The following GRM8 variants were observed in gnomAD, a reference collection of about 807,000 sequenced individuals.
The protein encoded by GRM8 is glutamate metabotropic receptor 8, also known as metabotropic glutamate receptor 8.
In GRM8, 47 loss-of-function variants were observed where a neutral mutation model predicts 87.2. The ratio of observed to expected loss-of-function variants is 0.54; its 90% CI spans 0.43 to 0.69. GRM8 has a LOEUF of 0.69. GRM8 is among the 30% of genes least tolerant of loss of function. The pLI, the probability that GRM8 is intolerant of heterozygous loss-of-function variation, is 0.00. For synonymous variants in GRM8, 396 were observed against 404.5 expected, an observed-to-expected ratio of 0.98 and a Z score of 0.25; for missense variants, 1,019 against 1,139.2, an observed-to-expected ratio of 0.89 and a Z score of 1.52.
At chr7:127,157,685 G>A (rs969847060) in intron 2 of GRM8, among the ~76,000 whole-genome samples, 4 of 152,078 alleles carry the variant, frequency 2.6e-5, no homozygotes, top group African/African-American at 9.7e-5. Context: ...ATGTAAGTTG[G>A]TTGTAACTGC....
At chr7:127,038,770 T>C (rs905493142) in intron 3 of GRM8, among the ~76,000 whole-genome samples, 3 of 152,244 alleles carry the variant, frequency 2.0e-5, no homozygotes, top group East Asian at 1.9e-4. Context: ...AATGGAGTGG[T>C]AGGTATTTCT....
chr7:126,707,802 A>T (rs995192898), intron 7 of GRM8, among the ~76,000 whole-genome samples: 10 of 152,198 alleles, frequency 6.6e-5, no homozygotes, highest in African/African-American at 2.4e-4. Context: ...CCTAGGAAAA[A>T]AACATGGAGA....
At chr7:127,076,101 G>A (rs1822228859) in intron 3 of GRM8, 1 of 455,268 alleles carries the variant, frequency 2.2e-6, no homozygotes. Context: ...AAGGTGGTCA[G>A]TAGAGAGCCT....
At chr7:126,468,911 C>A (rs546340363) in intron 9 of GRM8, among the ~76,000 whole-genome samples, 2 of 152,056 alleles carry the variant, frequency 1.3e-5, no homozygotes, top group African/African-American at 4.8e-5. Context: ...ACTGCAATAC[C>A]CCCTCTTCTC....
At chr7:127,121,131 G>T (rs1312788577) in intron 2 of GRM8, among the ~76,000 whole-genome samples, 1 of 152,184 alleles carries the variant, frequency 6.6e-6, no homozygotes, top group African/African-American at 2.4e-5. Flanking sequence ...AATTTAGTAA[G>T]ATATTCATTT....
intron 2 of GRM8, among the ~76,000 whole-genome samples, chr7:127,125,330 G>T (rs1827301039): frequency 6.6e-6 from 1 of 152,004 alleles, no homozygotes; most frequent in South Asian, 2.1e-4. Flanking sequence ...TGGCTATAAA[G>T]ATGCCAAGAA....
At chr7:127,178,383 T>C (rs559088541) in intron 2 of GRM8, among the ~76,000 whole-genome samples, 1 of 152,258 alleles carries the variant, frequency 6.6e-6, no homozygotes, top group South Asian at 2.1e-4. Context: ...GAATAATTGG[T>C]GTTCCTGAGG....
intron 8 of GRM8, among the ~76,000 whole-genome samples, chr7:126,541,803 G>A (rs1468276487): frequency 6.6e-6 from 1 of 152,194 alleles, no homozygotes; most frequent in Non-Finnish European, 1.5e-5. Flanking sequence ...ACTTGAGATC[G>A]TAGCATTCTA....
intron 6 of GRM8, among the ~76,000 whole-genome samples, chr7:126,895,309 G>A (rs946034584): frequency 6.6e-6 from 1 of 151,974 alleles, no homozygotes; most frequent in Admixed American, 6.6e-5. Flanking sequence ...ACAGTTGAAT[G>A]TTTATTTTGC....
chr7:127,030,489 T>C (rs1222118829), intron 3 of GRM8, among the ~76,000 whole-genome samples: 1 of 152,158 alleles, frequency 6.6e-6, no homozygotes, highest in Admixed American at 6.6e-5. Context: ...ATTCTAGGAC[T>C]AACGGGGGAA....
At chr7:126,651,684 C>A (rs1803892724) in intron 7 of GRM8, among the ~76,000 whole-genome samples, 1 of 152,184 alleles carries the variant, frequency 6.6e-6, no homozygotes, top group African/African-American at 2.4e-5. Flanking sequence ...CTCCTCCTAC[C>A]TTTAAGTCAA....
chr7:127,075,926 A>G (rs1822212594), intron 3 of GRM8: 1 of 309,240 alleles, frequency 3.2e-6, no homozygotes. Flanking sequence ...TCACCTTTAT[A>G]CCACCCAAGA....
At chr7:126,586,263 A>C (rs983212102) in intron 8 of GRM8, among the ~76,000 whole-genome samples, 6 of 152,178 alleles carry the variant, frequency 3.9e-5, no homozygotes, top group Non-Finnish European at 5.9e-5. Context: ...TGCCCAAGGT[A>C]ATTTATAGAT....
At chr7:126,963,692 C>T (rs1321661386) in intron 3 of GRM8, among the ~76,000 whole-genome samples, 7 of 152,162 alleles carry the variant, frequency 4.6e-5, no homozygotes, top group Non-Finnish European at 7.3e-5. Context: ...AAAGACATTC[C>T]ATGCTCATGG....
chr7:127,173,669 T>C (rs774780412), intron 2 of GRM8, among the ~76,000 whole-genome samples: 34 of 152,144 alleles, frequency 2.2e-4, no homozygotes, highest in Non-Finnish European at 1.6e-4. Flanking sequence ...TTAAAAGCCC[T>C]CCAATCTTCC....
intron 7 of GRM8, among the ~76,000 whole-genome samples, chr7:126,693,952 G>T (rs75739233): frequency 0.028 from 4,202 of 151,876 alleles, 210 homozygotes; most frequent in African/African-American, 0.096. Flanking sequence ...GTTGGAATAT[G>T]CCCTTTGTAA....
intron 6 of GRM8, among the ~76,000 whole-genome samples, chr7:126,854,854 T>G (rs1408356667): frequency 6.6e-6 from 1 of 152,232 alleles, no homozygotes; most frequent in East Asian, 1.9e-4. Flanking sequence ...AAAAATATTT[T>G]CTAGGCATAT....
chr7:126,509,061 T>C (rs1810927203), intron 9 of GRM8, among the ~76,000 whole-genome samples: 1 of 152,052 alleles, frequency 6.6e-6, no homozygotes, highest in Admixed American at 6.6e-5. Context: ...TGCTACTGTT[T>C]CCTAATTATT....
At chr7:126,875,764 G>T (rs901881434) in intron 6 of GRM8, among the ~76,000 whole-genome samples, 3 of 151,964 alleles carry the variant, frequency 2.0e-5, no homozygotes, top group African/African-American at 7.3e-5. Flanking sequence ...CTGAATTAAT[G>T]TATTAAGTTT....
Sources: allele counts gnomAD v4.1 joint callset (sites outside exome capture counted in the v4.1 genomes callset), GRCh38; gene constraint gnomAD v4.1.1; transcripts MANE v1.5; gene names NCBI Gene and HGNC (gene_info 2026-07-23, HGNC 2026-07-21).